The following OXR1 variants were observed in gnomAD, a reference collection of about 807,000 sequenced individuals.
OXR1 encodes oxidation resistance protein 1.
Under a neutral mutation model 104.6 loss-of-function variants are expected in OXR1, and 41 were observed. The observed-to-expected ratio is 0.39, with a 90% CI of 0.31 to 0.51. The LOEUF (loss-of-function observed/expected upper bound fraction) is 0.51. OXR1 is among the 20% of genes least tolerant of loss of function. OXR1 has a pLI of 0.77. For synonymous variants in OXR1, 348 were observed against 348.4 expected (o/e 1.00, Z 0.01); for missense variants, 955 against 1,031.9 (o/e 0.93, Z 1.02).
intron 2 of OXR1, among the ~76,000 whole-genome samples, chr8:106,398,593 A>G (rs1176427842): frequency 6.6e-6 from 1 of 152,160 alleles, no homozygotes; most frequent in Non-Finnish European, 1.5e-5. Flanking sequence ...TGGTGTGTGT[A>G]AGGTTCAAGC....
At chr8:106,678,851 A>G (rs1827859291) in intron 3 of OXR1, among the ~76,000 whole-genome samples, 1 of 152,062 alleles carries the variant, frequency 6.6e-6, no homozygotes, top group Non-Finnish European at 1.5e-5. Context: ...ATATATCTTG[A>G]AAGATGTATT....
intron 3 of OXR1, among the ~76,000 whole-genome samples, chr8:106,542,962 T>C (rs1815074296): frequency 6.6e-6 from 1 of 152,182 alleles, no homozygotes; most frequent in African/African-American, 2.4e-5. Flanking sequence ...TTTTTGCCCT[T>C]AACTGATTTC....
intron 3 of OXR1, among the ~76,000 whole-genome samples, chr8:106,662,660 T>C (rs1431791940): frequency 6.6e-6 from 1 of 152,246 alleles, no homozygotes; most frequent in African/African-American, 2.4e-5. Flanking sequence ...GGTTCATTAA[T>C]GATCCTGTCT....
rs1199719975 is a variant in OXR1, at chr8:106,679,192, T to C, written c.221-18T>C. On this transcript the variant is annotated intron_variant, in intron 3 of 16. Coordinates refer to ENST00000517566, the MANE Select transcript of OXR1 (RefSeq NM_001198533.2). Reference sequence around the variant, plus strand: ...AAAGAAAGATGAATTTAATAGGAATTTTGCCTTTTTTTCCCAGACACTGGC... The same window carrying C: ...AAAGAAAGATGAATTTAATAGGAATCTTGCCTTTTTTTCCCAGACACTGGC... 1 of 1,497,738 alleles carries C rather than the reference T, an allele frequency of 6.7e-7. No homozygotes were observed. 92.8% of individuals were successfully genotyped at this position (1,497,738 alleles called of 1,614,324 possible).
chr8:106,668,873 G>C (rs1436373804), intron 3 of OXR1, among the ~76,000 whole-genome samples: 3 of 152,156 alleles, frequency 2.0e-5, no homozygotes, highest in Non-Finnish European at 4.4e-5. Context: ...CTATTTGTAT[G>C]TCTCTCAAAT....
intron 2 of OXR1, among the ~76,000 whole-genome samples, chr8:106,369,169 T>C (rs1477900412): frequency 7.2e-5 from 11 of 152,242 alleles, no homozygotes; most frequent in Admixed American, 7.2e-4. Context: ...TAAGCTATTT[T>C]GCATATGTTT....
intron 16 of OXR1, 86 bp downstream of exon 16, chr8:106,745,948 A>G (rs1835360482): frequency 3.3e-5 from 25 of 758,800 alleles, no homozygotes; most frequent in South Asian, 3.2e-4. Context: ...TTGTCTTTAG[A>G]AAGTGTTGAC....
At position 106,425,083 on chromosome 8, in the gene OXR1, GTTTTT is replaced by G. The variant is rs748444311; in HGVS notation, c.23+65469_23+65473del. 6.2e-4 allele frequency among the ~76,000 whole-genome samples: 52 copies of G among 83,646 alleles called. No homozygotes were observed. In the South Asian group the frequency reaches 0.019, roughly 30 times the overall value. 54.9% of individuals were successfully genotyped at this position (83,646 alleles called of 152,430 possible). A position where few individuals can be genotyped will look rare whatever the true frequency, so the allele number is the denominator to read the frequency against. ...TTAGCAGGGTTTTTTGTTTGGTTTG[GTTTTT>G]TTTTTTTTTTTTTTTTTTTTTGAGA... On this transcript the variant is annotated intron_variant, in intron 2 of 16. Coordinates refer to ENST00000517566, the MANE Select transcript of OXR1 (RefSeq NM_001198533.2).
At position 106,498,441 on chromosome 8, in the gene OXR1, G is replaced by A. The variant is rs142791275; in HGVS notation, c.24-20502G>A. On this transcript the variant is annotated intron_variant, in intron 2 of 16. Coordinates refer to ENST00000517566, the MANE Select transcript of OXR1 (RefSeq NM_001198533.2). ...AATAGTAAAAATTTTGCTTACTAAT[G>A]AAGAAATTTCATGAGACAATTTGCA... Among the ~76,000 whole-genome samples the A allele has an allele frequency of 1.2e-3, 179 of 152,288 alleles. 1 individual carries two copies. Among genetic ancestry groups the A allele is most frequent in the African/African-American group, 4.1e-3 (169 of 41,570 alleles).
At chr8:106,565,412 A>G (rs897123670) in intron 3 of OXR1, among the ~76,000 whole-genome samples, 4 of 152,170 alleles carry the variant, frequency 2.6e-5, no homozygotes, top group African/African-American at 7.2e-5. Context: ...TAGGAATACA[A>G]CTTAAAAGGG....
At position 106,392,646 on chromosome 8, in the gene OXR1, G is replaced by A. The variant is rs536165813; in HGVS notation, c.23+33010G>A. ...TATCAGCATAAAAAATTGGTAATGGGTGGGAATTTCATATTCTTTAACCAA... is the reference window on the plus strand; with the variant it reads ...TATCAGCATAAAAAATTGGTAATGGATGGGAATTTCATATTCTTTAACCAA... On this transcript the variant is annotated intron_variant, in intron 2 of 16. Transcript: ENST00000517566. Among the ~76,000 whole-genome samples, 35 of 152,240 alleles carry A rather than the reference G, an allele frequency of 2.3e-4. No individual in the cohort carries two copies. The South Asian group carries it at 6.0e-3, about 26-fold the overall frequency.
intron 2 of OXR1, among the ~76,000 whole-genome samples, chr8:106,439,514 G>A (rs893406610): frequency 5.9e-5 from 9 of 152,022 alleles, no homozygotes; most frequent in African/African-American, 9.7e-5. Context: ...TTCAATTTGT[G>A]TTTTTCCTGA....
intron 3 of OXR1, among the ~76,000 whole-genome samples, chr8:106,566,959 C>G (rs1376416535): frequency 6.6e-6 from 1 of 152,040 alleles, no homozygotes; most frequent in Non-Finnish European, 1.5e-5. Flanking sequence ...ACATTGGGGC[C>G]TGTCGGGGGT....
intron 2 of OXR1, among the ~76,000 whole-genome samples, chr8:106,514,261 C>T (rs1812724941): frequency 6.6e-6 from 1 of 152,068 alleles, no homozygotes; most frequent in South Asian, 2.1e-4. Context: ...TAATTAAGAA[C>T]ATTGTTAAAA....
intron 3 of OXR1, among the ~76,000 whole-genome samples, chr8:106,583,844 C>T (rs1271710705): frequency 6.6e-6 from 1 of 152,080 alleles, no homozygotes; most frequent in Non-Finnish European, 1.5e-5. Context: ...CTCTTAGGAC[C>T]AGCTCAATCA....
At chr8:106,739,616 TGTGA>T in intron 13 of OXR1, 33 bp downstream of exon 13, 3 of 1,607,498 alleles carry the variant, frequency 1.9e-6, no homozygotes, top group Non-Finnish European at 2.6e-6. Context: ...CATTTCTGAG[TGTGA>T]GTGTGTACCC....
chr8:106,314,765 G>T (rs1220684487), intron 1 of OXR1, among the ~76,000 whole-genome samples: 1 of 152,128 alleles, frequency 6.6e-6, no homozygotes, highest in Non-Finnish European at 1.5e-5. Flanking sequence ...GGCATAGATA[G>T]AATGCAATTA....
At chr8:106,294,395 C>CAA (rs1200997871) in intron 1 of OXR1, among the ~76,000 whole-genome samples, 6 of 70,350 alleles carry the variant, frequency 8.5e-5, no homozygotes, top group East Asian at 3.6e-4. Context: ...GACTCTGTCT[C>CAA]AAAAAAAAAA....
intron 2 of OXR1, among the ~76,000 whole-genome samples, chr8:106,485,094 A>G (rs1810555488): frequency 2.6e-5 from 4 of 152,066 alleles, no homozygotes; most frequent in Admixed American, 2.6e-4. Flanking sequence ...TGTATGATTG[A>G]AACTATATGA....
Sources: allele counts gnomAD v4.1 joint callset (sites outside exome capture counted in the v4.1 genomes callset), GRCh38; gene constraint gnomAD v4.1.1; transcripts MANE v1.5; gene names NCBI Gene and HGNC (gene_info 2026-07-23, HGNC 2026-07-21).